The following KCND2 variants were observed in gnomAD, a reference collection of about 807,000 sequenced individuals.
The protein encoded by KCND2 is A-type voltage-gated potassium channel KCND2.
KCND2 carries 16 observed loss-of-function variants against 54.4 expected under a neutral mutation model. The observed-to-expected ratio is 0.29, with a 90% CI of 0.20 to 0.45. KCND2 has a LOEUF of 0.45. KCND2 is among the 20% of genes least tolerant of loss of function. KCND2 has a pLI of 1.00. For missense variants in KCND2, 486 were observed against 824.2 expected (o/e 0.59, Z 5.02); for synonymous variants, 317 against 310.7 (o/e 1.02, Z -0.21).
intron 1 of KCND2, among the ~76,000 whole-genome samples, chr7:120,396,371 T>C (rs189963895): frequency 6.6e-6 from 1 of 152,160 alleles, no homozygotes; most frequent in East Asian, 1.9e-4. Context: ...TCAAAAGGCA[T>C]ATTTTATGTT....
At chr7:120,502,717 A>G (rs572273079) in intron 1 of KCND2, among the ~76,000 whole-genome samples, 2 of 152,118 alleles carry the variant, frequency 1.3e-5, no homozygotes, top group African/African-American at 4.8e-5. Context: ...GCAGTTAGGG[A>G]GCTTCTTTGC....
chr7:120,667,060 G>A (rs1190891830), intron 1 of KCND2, among the ~76,000 whole-genome samples: 1 of 151,888 alleles, frequency 6.6e-6, no homozygotes, highest in Non-Finnish European at 1.5e-5. Flanking sequence ...TCATAAGAAG[G>A]AAGTACATCA....
chr7:120,477,062 T>C (rs1323935322), intron 1 of KCND2, among the ~76,000 whole-genome samples: 3 of 152,216 alleles, frequency 2.0e-5, no homozygotes, highest in Non-Finnish European at 4.4e-5. Context: ...TGCATAATGG[T>C]AAGCTACAGA....
At chr7:120,558,123 T>C (rs1476534261) in intron 1 of KCND2, among the ~76,000 whole-genome samples, 2 of 152,144 alleles carry the variant, frequency 1.3e-5, no homozygotes. Flanking sequence ...TTCAAAATTG[T>C]CATACAAATT....
chr7:120,710,571 C>T (rs1440415539), intron 1 of KCND2, among the ~76,000 whole-genome samples: 1 of 152,212 alleles, frequency 6.6e-6, no homozygotes, highest in Non-Finnish European at 1.5e-5. Context: ...CCCAGTTTCT[C>T]CTGACATAAT....
chr7:120,393,489 G>A (rs905079828), intron 1 of KCND2, among the ~76,000 whole-genome samples: 6 of 151,958 alleles, frequency 3.9e-5, no homozygotes, highest in African/African-American at 1.4e-4. Context: ...TGAAATGTGT[G>A]TGAACTGTTT....
intron 1 of KCND2, among the ~76,000 whole-genome samples, chr7:120,574,614 A>T (rs1054474329): frequency 1.2e-4 from 19 of 152,198 alleles, no homozygotes; most frequent in Admixed American, 1.2e-3. Context: ...CATTAAAAAA[A>T]AATACCAGTG....
intron 1 of KCND2, among the ~76,000 whole-genome samples, chr7:120,644,505 T>C (rs117303489): frequency 1.2e-3 from 190 of 152,326 alleles, no homozygotes; most frequent in Middle Eastern, 6.8e-3. Flanking sequence ...ATTTAATTTC[T>C]GTAATACAAA....
intron 1 of KCND2, among the ~76,000 whole-genome samples, chr7:120,581,947 C>T (rs557676678): frequency 4.8e-4 from 73 of 152,142 alleles, no homozygotes; most frequent in African/African-American, 1.6e-3. Flanking sequence ...CTCCTGACCT[C>T]AAGTCATCCA....
At chr7:120,679,015 A>C (rs1194236894) in intron 1 of KCND2, among the ~76,000 whole-genome samples, 1 of 151,724 alleles carries the variant, frequency 6.6e-6, no homozygotes, top group Non-Finnish European at 1.5e-5. Flanking sequence ...ATATACAGAC[A>C]ACATGATGAG....
intron 1 of KCND2, among the ~76,000 whole-genome samples, chr7:120,410,102 G>A (rs185401361): frequency 1.6e-4 from 25 of 151,756 alleles, no homozygotes; most frequent in Admixed American, 1.6e-3. Context: ...TTTTGCACAT[G>A]GATATTACAT....
intron 1 of KCND2, among the ~76,000 whole-genome samples, chr7:120,482,392 G>C (rs1158461354): frequency 6.6e-6 from 1 of 152,128 alleles, no homozygotes; most frequent in African/African-American, 2.4e-5. Context: ...ACTGGAACCA[G>C]TTAAAATTTT....
At chr7:120,286,781 T>G (rs1360755184) in intron 1 of KCND2, among the ~76,000 whole-genome samples, 5 of 152,116 alleles carry the variant, frequency 3.3e-5, no homozygotes, top group Non-Finnish European at 7.4e-5. Context: ...AGACTTGTTT[T>G]GAAATTATAT....
At chr7:120,674,626 C>A (rs1792036045) in intron 1 of KCND2, among the ~76,000 whole-genome samples, 1 of 152,144 alleles carries the variant, frequency 6.6e-6, no homozygotes, top group Admixed American at 6.5e-5. Context: ...CAGATAAACA[C>A]CCTAATCCCT....
At chr7:120,423,494 G>T (rs1274215786) in intron 1 of KCND2, among the ~76,000 whole-genome samples, 1 of 152,174 alleles carries the variant, frequency 6.6e-6, no homozygotes, top group Non-Finnish European at 1.5e-5. Context: ...AGAGCATGCT[G>T]CCCTCTTAAA....
intron 1 of KCND2, among the ~76,000 whole-genome samples, chr7:120,618,039 C>G (rs964602871): frequency 6.6e-6 from 1 of 152,006 alleles, no homozygotes; most frequent in Non-Finnish European, 1.5e-5. Context: ...GAATGAGGGT[C>G]GAAAAGCTAC....
rs542686959 is a variant in KCND2, at chr7:120,298,541, A to G, written c.1115+22794A>G. Among the ~76,000 whole-genome samples, 9 of 152,312 alleles carry G rather than the reference A, an allele frequency of 5.9e-5. No individual in the cohort carries two copies. The East Asian group carries it at 1.7e-3, about 29-fold the overall frequency. On this transcript the variant is annotated intron_variant, in intron 1 of 5. Coordinates refer to ENST00000331113, the MANE Select transcript of KCND2 (RefSeq NM_012281.3). ...GAAGTGCTTCTTTATGCAGCCATAC[A>G]TTTCTGGTGTTCCTGCTAATAATCT...
intron 1 of KCND2, among the ~76,000 whole-genome samples, chr7:120,558,515 T>C (rs1469114080): frequency 6.6e-6 from 1 of 152,186 alleles, no homozygotes; most frequent in African/African-American, 2.4e-5. Flanking sequence ...ATTTTATATA[T>C]CTGTGCATAA....
At chr7:120,741,391 G>A (rs897671361) in intron 2 of KCND2, 143 bp from the exon 3 acceptor site, 1 of 673,956 alleles carries the variant, frequency 1.5e-6, no homozygotes, top group South Asian at 1.7e-5. Context: ...AAGGTAGAGA[G>A]GTAATTTTCA....
Sources: allele counts gnomAD v4.1 joint callset (sites outside exome capture counted in the v4.1 genomes callset), GRCh38; gene constraint gnomAD v4.1.1; transcripts MANE v1.5; gene names NCBI Gene and HGNC (gene_info 2026-07-23, HGNC 2026-07-21).